ATP8A2: variants seen among roughly 807,000 people sequenced by gnomAD.
ATP8A2 encodes the protein phospholipid-transporting ATPase IB.
In ATP8A2, 100 loss-of-function variants were observed where a neutral mutation model predicts 165.6. The observed-to-expected ratio is 0.60, with a 90% CI of 0.51 to 0.71. The LOEUF is 0.71. Ranked by LOEUF, ATP8A2 falls within the 30% of genes least tolerant of loss-of-function variation. ATP8A2 has a pLI of 0.00. For synonymous variants in ATP8A2, 543 were observed against 548.8 expected (o/e 0.99, Z 0.15); for missense variants, 1,227 against 1,479.5 (o/e 0.83, Z 2.80).
At chr13:25,756,335 T>TTG (rs2044261280) in intron 25 of ATP8A2, among the ~76,000 whole-genome samples, 1 of 151,472 alleles carries the variant, frequency 6.6e-6, no homozygotes, top group African/African-American at 2.4e-5. Context: ...TTCTTTTTTT[T>TTG]TTTTTTTTTG....
At chr13:26,002,170 T>C (rs1812177295) in intron 35 of ATP8A2, among the ~76,000 whole-genome samples, 1 of 152,226 alleles carries the variant, frequency 6.6e-6, no homozygotes, top group African/African-American at 2.4e-5. Flanking sequence ...CTCTTAGTTA[T>C]TCTGAAGTAT....
intron 2 of ATP8A2, among the ~76,000 whole-genome samples, chr13:25,503,379 G>T (rs542724479): frequency 2.6e-5 from 4 of 152,124 alleles, no homozygotes; most frequent in Non-Finnish European, 5.9e-5. Context: ...AAGGGTGGTC[G>T]GCATGCTGAC....
chr13:25,939,781 C>T (rs1015900850), intron 33 of ATP8A2, among the ~76,000 whole-genome samples: 1 of 152,280 alleles, frequency 6.6e-6, no homozygotes, highest in African/African-American at 2.4e-5. Flanking sequence ...ACCATCCCCA[C>T]TGAAACTGCT....
intron 25 of ATP8A2, among the ~76,000 whole-genome samples, chr13:25,761,611 C>T (rs2044379320): frequency 6.7e-6 from 1 of 149,064 alleles, no homozygotes; most frequent in South Asian, 2.1e-4. Flanking sequence ...GATCCTGTCT[C>T]AAAAAAAGTA....
intron 1 of ATP8A2, among the ~76,000 whole-genome samples, chr13:25,422,463 T>C (rs963934312): frequency 6.6e-6 from 1 of 152,240 alleles, no homozygotes; most frequent in Non-Finnish European, 1.5e-5. Context: ...GACATTGTAG[T>C]CTTCTGTCAA....
At chr13:25,578,923 T>C (rs373695227) in intron 21 of ATP8A2, 24 bp downstream of exon 21, 69 of 1,450,464 alleles carry the variant, frequency 4.8e-5, no homozygotes, top group Non-Finnish European at 6.5e-5. Flanking sequence ...GGAAATGCTG[T>C]TTTTGGCCAT....
chr13:25,788,460 G>A (rs1195604480), intron 27 of ATP8A2, among the ~76,000 whole-genome samples: 2 of 152,170 alleles, frequency 1.3e-5, no homozygotes, highest in Non-Finnish European at 2.9e-5. Flanking sequence ...TATAGAAGAA[G>A]ACACTGAGGC....
intron 24 of ATP8A2, among the ~76,000 whole-genome samples, chr13:25,682,149 A>T (rs2042503123): frequency 6.6e-6 from 1 of 151,814 alleles, no homozygotes. Flanking sequence ...TGTAATTCAG[A>T]CTCTTTTTTG....
chr13:25,990,909 A>T (rs1415583775), intron 35 of ATP8A2, among the ~76,000 whole-genome samples: 1 of 152,038 alleles, frequency 6.6e-6, no homozygotes, highest in Non-Finnish European at 1.5e-5. Context: ...CTGCTAATTT[A>T]TCTGTTCCTA....
chr13:25,483,165 G>C (rs1418996302), intron 2 of ATP8A2, among the ~76,000 whole-genome samples: 1 of 152,228 alleles, frequency 6.6e-6, no homozygotes, highest in Non-Finnish European at 1.5e-5. Context: ...GGGCTATACT[G>C]CTGCAGGAGA....
intron 12 of ATP8A2, 115 bp downstream of exon 12, chr13:25,554,035 G>A: frequency 2.7e-6 from 3 of 1,127,826 alleles, no homozygotes; most frequent in South Asian, 1.6e-5. Flanking sequence ...AGGTCCAGGG[G>A]CTTAAACTGG....
chr13:25,540,261 A>G, intron 7 of ATP8A2, 58 bp from the exon 8 acceptor site: 2 of 1,275,826 alleles, frequency 1.6e-6, no homozygotes, highest in Non-Finnish European at 2.3e-6. Flanking sequence ...GATTTTCTAA[A>G]CTGTGAATTT....
intron 2 of ATP8A2, among the ~76,000 whole-genome samples, chr13:25,496,014 C>A (rs192845855): frequency 6.6e-6 from 1 of 152,238 alleles, no homozygotes; most frequent in East Asian, 1.9e-4. Context: ...CACATTCAGG[C>A]TGTATGCTCC....
rs143003273 is a variant in ATP8A2 at position 25,911,630 on chromosome 13, G to A, written c.3183+49222G>A. Among the ~76,000 whole-genome samples the A allele has an allele frequency of 3.4e-4, 52 of 152,310 alleles. No individual in the cohort carries two copies. In the East Asian group the frequency reaches 6.9e-3, roughly 20 times the overall value. On this transcript the variant is annotated intron_variant, in intron 33 of 36. Transcript: ENST00000381655. ...TTCGAACTCATATGGTGAAGGATAG[G>A]ACCTGGGCCCAACAACTCTAGACAG...
chr13:25,407,583 G>T (rs1470179758), intron 1 of ATP8A2, among the ~76,000 whole-genome samples: 1 of 152,150 alleles, frequency 6.6e-6, no homozygotes, highest in Non-Finnish European at 1.5e-5. Flanking sequence ...TGAGGCCTAG[G>T]GAAGTGGTTA....
intron 24 of ATP8A2, among the ~76,000 whole-genome samples, chr13:25,647,201 T>C (rs1024822266): frequency 6.6e-6 from 1 of 152,252 alleles, no homozygotes; most frequent in Non-Finnish European, 1.5e-5. Flanking sequence ...GTATTACTTA[T>C]ACCATTAACT....
chr13:25,698,307 A>G (rs1397615959), intron 24 of ATP8A2, among the ~76,000 whole-genome samples: 3 of 151,740 alleles, frequency 2.0e-5, no homozygotes, highest in African/African-American at 7.3e-5. Context: ...TACAGCGTCA[A>G]CTTTCCAGGA....
chr13:25,665,022 C>T (rs1274628245), intron 24 of ATP8A2, among the ~76,000 whole-genome samples: 1 of 151,472 alleles, frequency 6.6e-6, no homozygotes, highest in African/African-American at 2.4e-5. Flanking sequence ...CCGTCGAGAC[C>T]AGGAGCAGTG....
chr13:25,995,685 T>C (rs1956485647), intron 35 of ATP8A2, among the ~76,000 whole-genome samples: 1 of 152,008 alleles, frequency 6.6e-6, no homozygotes, highest in African/African-American at 2.4e-5. Flanking sequence ...GTGTTGAAGT[T>C]TGTTTTATGG....
Sources: allele counts gnomAD v4.1 joint callset (sites outside exome capture counted in the v4.1 genomes callset), GRCh38; gene constraint gnomAD v4.1.1; transcripts MANE v1.5; gene names NCBI Gene and HGNC (gene_info 2026-07-23, HGNC 2026-07-21).